MCTP1: variants seen among roughly 807,000 people sequenced by gnomAD.
MCTP1 encodes multiple C2 and transmembrane domain containing 1.
In MCTP1, 69 loss-of-function variants were observed where a neutral mutation model predicts 120.6. The observed-to-expected ratio is 0.57, with a 90% CI of 0.47 to 0.70. The LOEUF is 0.70. Among genes scored for constraint, MCTP1 ranks in the 30% least tolerant of loss-of-function variants. MCTP1 has a pLI of 0.00. For synonymous variants in MCTP1, 529 were observed against 493.1 expected, an observed-to-expected ratio of 1.07 and a Z score of -0.96; for missense variants, 1,203 against 1,248.8, an observed-to-expected ratio of 0.96 and a Z score of 0.55.
chr5:94,888,400 C>G (rs1314672606), intron 12 of MCTP1, among the ~76,000 whole-genome samples: 1 of 152,084 alleles, frequency 6.6e-6, no homozygotes. Context: ...TGGGATGTGC[C>G]AGGGAATTTG....
intron 6 of MCTP1, among the ~76,000 whole-genome samples, chr5:94,928,641 G>A (rs374635974): frequency 1.3e-5 from 2 of 152,208 alleles, no homozygotes; most frequent in East Asian, 1.9e-4. Context: ...GTGTGCTTGT[G>A]GAAAACCAGA....
intron 1 of MCTP1, among the ~76,000 whole-genome samples, chr5:95,130,427 G>T (rs1477300951): frequency 6.6e-6 from 1 of 152,172 alleles, no homozygotes; most frequent in African/African-American, 2.4e-5. Flanking sequence ...GCAACAACTG[G>T]CTTGTATGTA....
chr5:95,272,587 A>C (rs1468666474), intron 1 of MCTP1, among the ~76,000 whole-genome samples: 2 of 152,254 alleles, frequency 1.3e-5, no homozygotes, highest in Non-Finnish European at 2.9e-5. Context: ...GAAGTCAAGG[A>C]AAGTGAAAAT....
chr5:94,982,937 T>G (rs1359007373), intron 2 of MCTP1, among the ~76,000 whole-genome samples: 1 of 128,904 alleles, frequency 7.8e-6, no homozygotes, highest in Non-Finnish European at 1.8e-5. Context: ...GACCTAATTT[T>G]ATCCCATTTT....
intron 1 of MCTP1, among the ~76,000 whole-genome samples, chr5:95,124,844 CTTCTT>C (rs1758506582): frequency 1.3e-5 from 2 of 152,096 alleles, no homozygotes; most frequent in Admixed American, 6.5e-5. Flanking sequence ...TTTTCCTTCT[CTTCTT>C]ATATTACCTG....
intron 1 of MCTP1, among the ~76,000 whole-genome samples, chr5:95,121,167 ACT>A (rs1235599694): frequency 6.6e-6 from 1 of 150,714 alleles, no homozygotes; most frequent in Non-Finnish European, 1.5e-5. Context: ...AGTCCCAGCC[ACT>A]CAGGAGGCTG....
chr5:94,742,892 T>TG (rs1280762308), intron 19 of MCTP1, among the ~76,000 whole-genome samples: 3 of 152,068 alleles, frequency 2.0e-5, no homozygotes, highest in Admixed American at 6.5e-5. Context: ...TCTGCTAGGC[T>TG]GGGGGAGATA....
intron 1 of MCTP1, among the ~76,000 whole-genome samples, chr5:95,199,804 A>G (rs1005627233): frequency 6.6e-6 from 1 of 151,802 alleles, no homozygotes; most frequent in Non-Finnish European, 1.5e-5. Context: ...GGTTGCAGTG[A>G]GCTGAGATGG....
At chr5:95,114,392 C>T (rs886177252) in intron 1 of MCTP1, among the ~76,000 whole-genome samples, 3 of 152,170 alleles carry the variant, frequency 2.0e-5, no homozygotes, top group Non-Finnish European at 4.4e-5. Context: ...TGGCATCCTT[C>T]GACCTGCCCT....
rs74901229 is a variant in MCTP1, at chr5:95,162,396, G to C, written c.720+121460C>G. 3.0e-3 allele frequency among the ~76,000 whole-genome samples: 459 copies of C among 152,194 alleles called. 1 individual carries two copies. The highest frequency in any genetic ancestry group is 0.011 in the African/African-American group (438 of 41,530). On this transcript the variant is annotated intron_variant, in intron 1 of 22. Transcript: ENST00000515393. ...ACTTCTTTGTTGGCCTTAACTTGTA[G>C]GAGAGGAAACCCATAGAAAGGAAAC... is the stretch of plus-strand genomic sequence containing the variant.
At chr5:95,067,898 C>T (rs1163868881) in intron 1 of MCTP1, among the ~76,000 whole-genome samples, 1 of 152,172 alleles carries the variant, frequency 6.6e-6, no homozygotes, top group East Asian at 1.9e-4. Context: ...ACTTATTCCT[C>T]CTAACTGAAA....
chr5:94,817,362 C>G (rs183759754), intron 17 of MCTP1, among the ~76,000 whole-genome samples: 2 of 152,094 alleles, frequency 1.3e-5, no homozygotes, highest in Admixed American at 1.3e-4. Context: ...GAGCCGAGAT[C>G]GCGCCACTGC....
At chr5:95,071,056 C>T (rs1008465743) in intron 1 of MCTP1, among the ~76,000 whole-genome samples, 6 of 152,046 alleles carry the variant, frequency 3.9e-5, no homozygotes, top group Non-Finnish European at 7.4e-5. Flanking sequence ...AAAGGGGAAG[C>T]GAGAGGAAGG....
intron 1 of MCTP1, among the ~76,000 whole-genome samples, chr5:95,258,894 C>T (rs191732769): frequency 2.0e-5 from 3 of 152,148 alleles, no homozygotes; most frequent in Admixed American, 1.3e-4. Flanking sequence ...ATCCTGGAGC[C>T]AAAATATGGG....
rs1387191781 is a variant in MCTP1 at position 94,873,239 on chromosome 5, T to C, written c.1936A>G (p.Lys646Glu). Residue 646 changes from lysine to glutamate, a missense_variant and splice_region_variant, in exon 13 of 23, where the codon AAA becomes GAA. By Grantham distance (56) the Lys-to-Glu change is moderately conservative. This residue lies in a region of MCTP1 where 740 missense variants were observed against 871.1 expected (regional missense o/e 0.85). Transcript: ENST00000515393. The part of the protein sequence containing the change: ...EGLMAADVTG[K>E]SDPFCVVELN... ...TCTACCACACAAAATGGGTCACTTT[T>C]TCCTACAAGAGATTTTTGGTAAATA... The C allele has an allele frequency of 6.3e-7, 1 of 1,577,470 alleles. No homozygotes were observed.
chr5:94,736,979 G>T (rs1232083578), intron 19 of MCTP1, among the ~76,000 whole-genome samples: 1 of 152,038 alleles, frequency 6.6e-6, no homozygotes, highest in African/African-American at 2.4e-5. Context: ...GATGCTTATA[G>T]TCAAGTGAAA....
chr5:94,812,621 G>A (rs1020497139), intron 17 of MCTP1, among the ~76,000 whole-genome samples: 1 of 151,776 alleles, frequency 6.6e-6, no homozygotes, highest in Non-Finnish European at 1.5e-5. Context: ...ACTATATACA[G>A]AAAATTCAGG....
At chr5:95,176,536 A>G (rs541765364) in intron 1 of MCTP1, among the ~76,000 whole-genome samples, 1 of 152,278 alleles carries the variant, frequency 6.6e-6, no homozygotes, top group East Asian at 1.9e-4. Flanking sequence ...AACAACAACA[A>G]AAACAGCAGT....
At chr5:95,188,731 G>A (rs1749508833) in intron 1 of MCTP1, among the ~76,000 whole-genome samples, 1 of 152,148 alleles carries the variant, frequency 6.6e-6, no homozygotes, top group South Asian at 2.1e-4. Context: ...GGAGATCTTT[G>A]TGGTGACAAA....
Sources: allele counts gnomAD v4.1 joint callset (sites outside exome capture counted in the v4.1 genomes callset), GRCh38; gene constraint gnomAD v4.1.1; regional missense constraint gnomAD v4.1.1; transcripts MANE v1.5; gene names NCBI Gene and HGNC (gene_info 2026-07-23, HGNC 2026-07-21).